The following TSEN2 variants were observed in gnomAD, a reference collection of about 807,000 sequenced individuals.
TSEN2 encodes tRNA splicing endonuclease subunit 2.
In TSEN2, 54 loss-of-function variants were observed where a neutral mutation model predicts 59.2. That is an observed-to-expected ratio of 0.91 (90% confidence interval 0.73 to 1.14). The LOEUF (loss-of-function observed/expected upper bound fraction) is 1.14. Among genes scored for constraint, TSEN2 ranks in the 50% most tolerant of loss-of-function variants. TSEN2 has a pLI of 0.00. For missense variants in TSEN2, 636 were observed against 576.2 expected, an observed-to-expected ratio of 1.10 and a Z score of -1.06; for synonymous variants, 195 against 198.2, an observed-to-expected ratio of 0.98 and a Z score of 0.14.
intron 1 of TSEN2, among the ~76,000 whole-genome samples, chr3:12,487,411 C>T (rs918769506): frequency 2.6e-5 from 4 of 152,172 alleles, no homozygotes; most frequent in African/African-American, 9.7e-5. Flanking sequence ...GAGGGAAAAA[C>T]GCTGAACAAA....
At chr3:12,486,804 G>T (rs530490175) in intron 1 of TSEN2, among the ~76,000 whole-genome samples, 1 of 152,006 alleles carries the variant, frequency 6.6e-6, no homozygotes, top group Non-Finnish European at 1.5e-5. Flanking sequence ...TAATTGTCTC[G>T]TGGTCTTTTG....
intron 8 of TSEN2, among the ~76,000 whole-genome samples, chr3:12,523,113 C>T (rs1385956840): frequency 6.6e-6 from 1 of 152,122 alleles, no homozygotes; most frequent in South Asian, 2.1e-4. Flanking sequence ...GGTCTATCCT[C>T]CCTATCTTCC....
intron 8 of TSEN2, among the ~76,000 whole-genome samples, chr3:12,522,013 T>A (rs936887977): frequency 1.5e-5 from 2 of 131,058 alleles, no homozygotes; most frequent in Non-Finnish European, 3.3e-5. Context: ...TCTCAAAAAA[T>A]AATAATAAAA....
intron 1 of TSEN2, among the ~76,000 whole-genome samples, chr3:12,487,830 A>T (rs975374058): frequency 6.6e-6 from 1 of 152,260 alleles, no homozygotes; most frequent in Non-Finnish European, 1.5e-5. Flanking sequence ...TGTTATAAAC[A>T]CTATACAGCA....
intron 7 of TSEN2, among the ~76,000 whole-genome samples, chr3:12,518,627 G>A (rs1330128348): frequency 6.6e-6 from 1 of 152,056 alleles, no homozygotes; most frequent in Non-Finnish European, 1.5e-5. Context: ...TTAAAAAGCA[G>A]GTGGTATTTT....
At chr3:12,539,591 C>T (rs892653268) in exon 11 of TSEN2, 3 of 159,970 alleles carry the variant, frequency 1.9e-5, no homozygotes, top group Admixed American at 5.8e-5. Flanking sequence ...GAATAATTTT[C>T]ATTGCTCTGT....
intron 6 of TSEN2, among the ~76,000 whole-genome samples, chr3:12,512,967 C>G (rs902330376): frequency 1.3e-5 from 2 of 152,182 alleles, no homozygotes; most frequent in Non-Finnish European, 2.9e-5. Context: ...CTTATTAGTA[C>G]TGCGAAAGTA....
At chr3:12,509,909 A>G (rs1303442944) in intron 6 of TSEN2, among the ~76,000 whole-genome samples, 1 of 152,174 alleles carries the variant, frequency 6.6e-6, no homozygotes, top group African/African-American at 2.4e-5. Flanking sequence ...CCGAAGGGTA[A>G]TATAATTGGA....
rs2052420280 is a variant in TSEN2, at chr3:12,484,780, G to T, written c.-118G>T. 6.6e-6 allele frequency: 1 copy of T among 152,240 alleles called. No individual in the cohort carries two copies. The highest frequency in any genetic ancestry group is 1.5e-5 in the Non-Finnish European group (1 of 68,080). 9.4% of individuals were successfully genotyped at this position (152,240 alleles called of 1,614,324 possible). On this transcript the variant is annotated 5_prime_UTR_variant, in exon 1 of 12. Coordinates refer to ENST00000284995, the MANE Select transcript of TSEN2 (RefSeq NM_025265.4). The stretch of plus-strand genomic sequence containing the variant: ...CGCCGGCGCCTTGTTCAGGGCTGGT[G>T]GGGCTGGGGCGCAAGGTGCAGCTGA...
rs200996376 is a variant in TSEN2 at position 12,491,001 on chromosome 3, T to C, written c.189+1012T>C. Among the ~76,000 whole-genome samples, 48 of 151,868 alleles carry C rather than the reference T, an allele frequency of 3.2e-4. 1 individual carries two copies. The South Asian group carries it at 0.01, about 32-fold the overall frequency. On this transcript the variant is annotated intron_variant, in intron 2 of 11. Transcript: ENST00000284995. ...GTTGTTGCTGGGTGTTTTTTTTGTTTGTTTTTTGTGACAGAGTCTTACCCT... is the reference window on the plus strand; with the variant it reads ...GTTGTTGCTGGGTGTTTTTTTTGTTCGTTTTTTGTGACAGAGTCTTACCCT...
chr3:12,501,921 T>C (rs1029118717), intron 4 of TSEN2, among the ~76,000 whole-genome samples: 6 of 152,240 alleles, frequency 3.9e-5, no homozygotes, highest in African/African-American at 1.4e-4. Context: ...TAGGCATGAA[T>C]GCTTTGCCCT....
chr3:12,520,803 A>G (rs2056578453), intron 8 of TSEN2, among the ~76,000 whole-genome samples: 1 of 151,972 alleles, frequency 6.6e-6, no homozygotes, highest in Admixed American at 6.6e-5. Flanking sequence ...AAAAATTTTT[A>G]GGTTCAAGGG....
chr3:12,516,694 A>C (rs753937130), intron 7 of TSEN2, 33 bp downstream of exon 7: 1 of 1,601,052 alleles, frequency 6.2e-7, no homozygotes, highest in Non-Finnish European at 8.6e-7. Flanking sequence ...AACCCACTTA[A>C]AATTTCCCTG....
chr3:12,526,529 TG>T (rs1386381881), intron 8 of TSEN2, among the ~76,000 whole-genome samples: 1 of 152,216 alleles, frequency 6.6e-6, no homozygotes, highest in Non-Finnish European at 1.5e-5. Context: ...CTAGGTTTTG[TG>T]TAAGTACACT....
At chr3:12,512,693 A>G (rs1000044316) in intron 6 of TSEN2, among the ~76,000 whole-genome samples, 14 of 152,382 alleles carry the variant, frequency 9.2e-5, no homozygotes, top group African/African-American at 3.4e-4. Context: ...CATATTCCAC[A>G]TGCAACATCT....
chr3:12,487,345 T>C (rs1375930835), intron 1 of TSEN2, among the ~76,000 whole-genome samples: 1 of 152,252 alleles, frequency 6.6e-6, no homozygotes, highest in African/African-American at 2.4e-5. Context: ...TACAGAGTTC[T>C]TTCGATCAAG....
chr3:12,522,883 T>C (rs748753130), intron 8 of TSEN2, among the ~76,000 whole-genome samples: 9 of 152,272 alleles, frequency 5.9e-5, no homozygotes, highest in East Asian at 3.9e-4. Flanking sequence ...GAGCCTTTCC[T>C]TACACTCCCT....
At chr3:12,480,705 A>T (rs538565590), upstream of TSEN2, among the ~76,000 whole-genome samples, 3 of 149,456 alleles carry the variant, frequency 2.0e-5, no homozygotes, top group East Asian at 3.9e-4. Context: ...ATTTTTATAT[A>T]TTTTTTTTAG....
At chr3:12,513,205 T>C (rs1200890662) in intron 6 of TSEN2, among the ~76,000 whole-genome samples, 1 of 152,252 alleles carries the variant, frequency 6.6e-6, no homozygotes, top group Admixed American at 6.5e-5. Context: ...GTATGCTTGC[T>C]GATAATGAAA....
Sources: gnomAD v4.1 joint callset for allele counts (sites outside exome capture counted in the v4.1 genomes callset) on GRCh38, gnomAD v4.1.1 for gene constraint, MANE v1.5 for transcripts, NCBI Gene and HGNC (gene_info 2026-07-23, HGNC 2026-07-21) for gene names.